Variants in PLCG2 observed in about 807,000 individuals in gnomAD.
PLCG2 encodes the protein 1-phosphatidylinositol 4,5-bisphosphate phosphodiesterase gamma-2.
Under a neutral mutation model 175.6 loss-of-function variants are expected in PLCG2, and 69 were observed. The observed-to-expected ratio is 0.39, with a 90% CI of 0.32 to 0.48. PLCG2 has a LOEUF of 0.48. PLCG2 is among the 20% of genes least tolerant of loss of function. The probability of loss-of-function intolerance (pLI) is 0.91; values close to 1 mark genes in which losing one functional copy is unlikely to be tolerated. For missense variants in PLCG2, 1,798 were observed against 1,650.9 expected, an observed-to-expected ratio of 1.09 and a Z score of -1.54; for synonymous variants, 827 against 624.0, an observed-to-expected ratio of 1.33 and a Z score of -4.85.
intron 2 of PLCG2, among the ~76,000 whole-genome samples, chr16:81,797,044 C>T (rs777342579): frequency 3.3e-5 from 5 of 152,326 alleles, no homozygotes; most frequent in Non-Finnish European, 5.9e-5. Context: ...CTTTCTTCCA[C>T]GTGTCATGTT....
chr16:81,803,805 C>T (rs1020442796), intron 2 of PLCG2, among the ~76,000 whole-genome samples: 2 of 152,020 alleles, frequency 1.3e-5, no homozygotes, highest in African/African-American at 4.8e-5. Flanking sequence ...CCTCAGCCTC[C>T]TGAGTGGCTG....
chr16:81,935,275 G>C (rs1408831609), intron 26 of PLCG2, among the ~76,000 whole-genome samples: 2 of 152,020 alleles, frequency 1.3e-5, no homozygotes, highest in African/African-American at 2.4e-5. Context: ...CCTATTATAA[G>C]GACCCTTGTG....
intron 2 of PLCG2, among the ~76,000 whole-genome samples, chr16:81,762,914 G>A (rs1331033755): frequency 1.1e-4 from 16 of 152,002 alleles, no homozygotes; most frequent in South Asian, 2.1e-4. Flanking sequence ...TTTAATTAGC[G>A]GGAATGGTAG....
intron 2 of PLCG2, among the ~76,000 whole-genome samples, chr16:81,840,451 A>G (rs780331931): frequency 6.6e-6 from 1 of 152,230 alleles, no homozygotes; most frequent in Non-Finnish European, 1.5e-5. Context: ...ATTGTAATAT[A>G]TAATGAAATA....
intron 2 of PLCG2, among the ~76,000 whole-genome samples, chr16:81,812,975 A>C (rs1904383210): frequency 6.6e-6 from 1 of 152,208 alleles, no homozygotes; most frequent in Non-Finnish European, 1.5e-5. Context: ...GTCAAAGATC[A>C]GATGGTGGTA....
intron 2 of PLCG2, among the ~76,000 whole-genome samples, chr16:81,773,498 G>A (rs1035991449): frequency 6.6e-6 from 1 of 152,164 alleles, no homozygotes; most frequent in Non-Finnish European, 1.5e-5. Flanking sequence ...GATTCACACT[G>A]AGGCCCACCT....
At position 81,873,991 on chromosome 16, in the gene PLCG2, C is replaced by T. The variant is rs79117687; in HGVS notation, c.648+3056C>T. On this transcript the variant is annotated intron_variant, in intron 7 of 32. Coordinates refer to ENST00000564138, the MANE Select transcript of PLCG2 (RefSeq NM_002661.5). ...CAGAGTTTTACAAAATGTCAGAACC[C>T]TCTGGGGTGCCCTAGATTGCCCCGT... Among the ~76,000 whole-genome samples the T allele has an allele frequency of 9.0e-3, 1,369 of 152,222 alleles. 24 individuals carry two copies. Among genetic ancestry groups the T allele is most frequent in the African/African-American group, 0.032 (1,322 of 41,518 alleles).
intron 31 of PLCG2, among the ~76,000 whole-genome samples, chr16:81,951,725 T>C (rs1048175120): frequency 2.0e-5 from 3 of 152,172 alleles, no homozygotes; most frequent in African/African-American, 4.8e-5. Flanking sequence ...GAGCAATATA[T>C]TACAACTAAG....
chr16:81,753,753 T>A (rs182637111), intron 1 of PLCG2, among the ~76,000 whole-genome samples: 4 of 152,128 alleles, frequency 2.6e-5, no homozygotes, highest in Admixed American at 1.3e-4. Flanking sequence ...AGGTGACAGA[T>A]GCCACAGCCA....
chr16:81,831,248 G>A (rs1218325338), intron 2 of PLCG2, among the ~76,000 whole-genome samples: 1 of 152,154 alleles, frequency 6.6e-6, no homozygotes, highest in Non-Finnish European at 1.5e-5. Flanking sequence ...TTCGAGGCCA[G>A]GAATTTGGTC....
chr16:81,847,956 A>G (rs775212441), intron 2 of PLCG2, among the ~76,000 whole-genome samples: 17 of 152,198 alleles, frequency 1.1e-4, no homozygotes, highest in African/African-American at 3.4e-4. Context: ...AAAAGTCACA[A>G]TATTACAGAA....
intron 2 of PLCG2, among the ~76,000 whole-genome samples, chr16:81,809,013 C>G (rs1413691467): frequency 6.6e-6 from 1 of 152,184 alleles, no homozygotes; most frequent in Non-Finnish European, 1.5e-5. Context: ...AAATATAATA[C>G]TCCTATTCTA....
chr16:81,816,910 C>T (rs561670944), intron 2 of PLCG2, among the ~76,000 whole-genome samples: 7 of 152,226 alleles, frequency 4.6e-5, no homozygotes, highest in East Asian at 3.9e-4. Flanking sequence ...GGGCCACATC[C>T]GGTTCTGCCT....
intron 19 of PLCG2, among the ~76,000 whole-genome samples, chr16:81,918,170 T>C (rs1019602431): frequency 3.9e-5 from 6 of 152,252 alleles, no homozygotes; most frequent in African/African-American, 1.4e-4. Flanking sequence ...CTGTTGATTC[T>C]TTCCTTGGCT....
intron 31 of PLCG2, among the ~76,000 whole-genome samples, chr16:81,947,259 A>G (rs982223467): frequency 9.9e-5 from 15 of 152,192 alleles, no homozygotes; most frequent in Non-Finnish European, 1.9e-4. Flanking sequence ...CTGCCACTGT[A>G]GGGAGCCAGG....
At chr16:81,776,096 T>G (rs1466762107), upstream of PLCG2, among the ~76,000 whole-genome samples, 359 of 46,830 alleles carry the variant, frequency 7.7e-3, 2 homozygotes, top group Non-Finnish European at 0.012. Context: ...TCTCTTTCTT[T>G]CTTTTTTTCC....
chr16:81,878,789 C>T (rs1470988358), intron 7 of PLCG2, among the ~76,000 whole-genome samples: 4 of 152,258 alleles, frequency 2.6e-5, no homozygotes, highest in East Asian at 1.9e-4. Flanking sequence ...TTGGGATGCC[C>T]GACTGTCTTC....
intron 2 of PLCG2, among the ~76,000 whole-genome samples, chr16:81,810,261 C>A (rs751477941): frequency 1.3e-5 from 2 of 152,206 alleles, no homozygotes; most frequent in Non-Finnish European, 2.9e-5. Flanking sequence ...GCTGGGATTA[C>A]GGTGTGAGCC....
At chr16:81,854,719 C>T in intron 3 of PLCG2, 132 bp downstream of exon 3, 2 of 791,672 alleles carry the variant, frequency 2.5e-6, no homozygotes, top group Non-Finnish European at 2.1e-6. Flanking sequence ...TGAATCCCAG[C>T]CCTGCCCCTT....
Sources: allele counts gnomAD v4.1 joint callset (sites outside exome capture counted in the v4.1 genomes callset), GRCh38; gene constraint gnomAD v4.1.1; transcripts MANE v1.5; gene names NCBI Gene and HGNC (gene_info 2026-07-23, HGNC 2026-07-21).